TMOD2: variants seen among roughly 807,000 people sequenced by gnomAD.
The protein encoded by TMOD2 is tropomodulin-2.
In TMOD2, 22 loss-of-function variants were observed where a neutral mutation model predicts 39.9. That is an observed-to-expected ratio of 0.55 (90% CI 0.39 to 0.79). TMOD2 has a LOEUF of 0.79. TMOD2 is among the 30% of genes least tolerant of loss of function. TMOD2 has a pLI of 0.00. For missense variants in TMOD2, 386 were observed against 413.3 expected (o/e 0.93, Z 0.57); for synonymous variants, 123 against 146.1 (o/e 0.84, Z 1.14).
chr15:51,808,651 T>C lies in TMOD2; in HGVS notation c.*197T>C. 1 of 408,188 alleles carries C rather than the reference T, an allele frequency of 2.4e-6. No individual in the cohort carries two copies. Among genetic ancestry groups the C allele is most frequent in the Non-Finnish European group, 4.3e-6 (1 of 230,110 alleles). 25.3% of individuals were successfully genotyped at this position (408,188 alleles called of 1,614,324 possible). A position where few individuals can be genotyped will look rare whatever the true frequency, so the allele number is the denominator to read the frequency against. Reference sequence around the variant, plus strand: ...TAATATATGCAATTGTTTTATTTGCTCATGGGCACTTCTGGCAACTTGACA... The same window carrying C: ...TAATATATGCAATTGTTTTATTTGCCCATGGGCACTTCTGGCAACTTGACA... On this transcript the variant is annotated 3_prime_UTR_variant, in exon 10 of 10. Transcript: ENST00000249700.
intron 8 of TMOD2, among the ~76,000 whole-genome samples, chr15:51,801,275 A>ACACACACACACACACACG (rs1313039133): frequency 7.1e-6 from 1 of 140,840 alleles, no homozygotes; most frequent in African/African-American, 2.7e-5. Flanking sequence ...ACACACACAC[A>ACACACACACACACACACG]CACACACACC....
intron 1 of TMOD2, among the ~76,000 whole-genome samples, chr15:51,753,223 G>A (rs1359814130): frequency 6.6e-6 from 1 of 152,158 alleles, no homozygotes; most frequent in Admixed American, 6.5e-5. Context: ...CTTACCAACT[G>A]GTCCAAAACC....
chr15:51,768,147 C>T (rs970043847), intron 2 of TMOD2, 115 bp from the exon 3 acceptor site: 6 of 1,223,046 alleles, frequency 4.9e-6, no homozygotes, highest in Non-Finnish European at 5.8e-6. Flanking sequence ...CACGCACATT[C>T]TGCGTAGGTA....
At chr15:51,796,314 C>G (rs558226739) in intron 7 of TMOD2, among the ~76,000 whole-genome samples, 1 of 152,280 alleles carries the variant, frequency 6.6e-6, no homozygotes, top group South Asian at 2.1e-4. Context: ...TTTTCTCTTA[C>G]TGCTAGAGCA....
intron 1 of TMOD2, among the ~76,000 whole-genome samples, chr15:51,761,559 T>C (rs1015734948): frequency 3.0e-5 from 4 of 132,898 alleles, no homozygotes; most frequent in Admixed American, 1.6e-4. Context: ...AGACCTCATC[T>C]CTGCAAAAAA....
chr15:51,793,963 A>C (rs1212546898), intron 7 of TMOD2, among the ~76,000 whole-genome samples: 1 of 152,250 alleles, frequency 6.6e-6, no homozygotes, highest in Non-Finnish European at 1.5e-5. Flanking sequence ...ACTTTAATTT[A>C]CATGGTATGC....
At position 51,809,423 on chromosome 15, in the gene TMOD2, A is replaced by G. The variant is rs2056141763; in HGVS notation, c.*969A>G. 6.5e-6 allele frequency: 1 copy of G among 152,716 alleles called. No homozygotes were observed. The highest frequency in any genetic ancestry group is 2.4e-5 in the African/African-American group (1 of 41,594). The allele number at this position is 152,716 out of a possible 1,614,324, so 9.5% of individuals were successfully genotyped here. A position where few individuals can be genotyped will look rare whatever the true frequency, so the allele number is the denominator to read the frequency against. The stretch of plus-strand genomic sequence containing the variant: ...GGATTAAATATAAACATTCAGGTTA[A>G]TTATCTAGATTTTTGTCCACAGTAT... On this transcript the variant is annotated 3_prime_UTR_variant, in exon 10 of 10. Transcript: ENST00000249700.
At chr15:51,799,951 A>C (rs2056077292) in intron 8 of TMOD2, among the ~76,000 whole-genome samples, 1 of 152,216 alleles carries the variant, frequency 6.6e-6, no homozygotes, top group Non-Finnish European at 1.5e-5. Context: ...ATAATATCAC[A>C]CACTCTGTCC....
intron 9 of TMOD2, among the ~76,000 whole-genome samples, 164 bp downstream of exon 9, chr15:51,806,685 T>C (rs1302260814): frequency 6.6e-6 from 1 of 152,266 alleles, no homozygotes; most frequent in East Asian, 1.9e-4. Flanking sequence ...GGAGTCTTTG[T>C]GGTCCTCGCA....
intron 8 of TMOD2, among the ~76,000 whole-genome samples, chr15:51,804,580 G>GTT: frequency 7.3e-6 from 1 of 136,568 alleles, no homozygotes; most frequent in South Asian, 2.3e-4. Context: ...GTTTTGTTTT[G>GTT]TTTTTTTTTT....
In TMOD2 at chr15:51,782,883, T is replaced by C. The variant is rs1034744062; in HGVS notation, c.732+55T>C. On this transcript the variant is annotated intron_variant, in intron 7 of 9. Coordinates refer to ENST00000249700, the MANE Select transcript of TMOD2 (RefSeq NM_014548.4). ...AAGTTATTTAATTCACTGGAAACTC[T>C]ATTTACTTTGTTTCATTAGCTAACA... 7 of 1,520,654 alleles carry C rather than the reference T, an allele frequency of 4.6e-6. No homozygotes were observed. In the African/African-American group the frequency reaches 9.6e-5, roughly 21 times the overall value. 94.2% of individuals were successfully genotyped at this position (1,520,654 alleles called of 1,614,324 possible).
At chr15:51,772,116 G>A (rs1181084762) in intron 3 of TMOD2, among the ~76,000 whole-genome samples, 1 of 152,212 alleles carries the variant, frequency 6.6e-6, no homozygotes, top group Non-Finnish European at 1.5e-5. Context: ...TCTCATGCAG[G>A]AGGGTTATTG....
chr15:51,801,237 T>TCTCACACACACA (rs1491214017), intron 8 of TMOD2, among the ~76,000 whole-genome samples: 260 of 102,132 alleles, frequency 2.5e-3, no homozygotes, highest in Middle Eastern at 5.7e-3. Context: ...TCTCTCTCTC[T>TCTCACACACACA]CACACACACA....
rs1321107714 is a variant in TMOD2, at chr15:51,816,164, G to A, written c.*7710G>A. On this transcript the variant is annotated 3_prime_UTR_variant, in exon 10 of 10. Transcript: ENST00000249700. ...CCCTGGATAATTATTCAGGACCCCA[G>A]TTGGCCCAAATAGGTGCAATTTTTA... 2 of 152,222 alleles carry A rather than the reference G, an allele frequency of 1.3e-5. No homozygotes were observed. The highest frequency in any genetic ancestry group is 2.9e-5 in the Non-Finnish European group (2 of 68,032). 9.4% of individuals were successfully genotyped at this position (152,222 alleles called of 1,614,324 possible).
rs534828012 is a variant in TMOD2, at chr15:51,778,370, C to A, written c.493+1352C>A. ...GGGAGGGGGGAGGGATAGCATTAGG[C>A]GATATACCTAATGCTAAATGACGAG... On this transcript the variant is annotated intron_variant, in intron 5 of 9. Coordinates refer to ENST00000249700, the MANE Select transcript of TMOD2 (RefSeq NM_014548.4). Among the ~76,000 whole-genome samples the A allele has an allele frequency of 2.0e-5, 3 of 146,848 alleles. No homozygotes were observed. In the South Asian group the frequency reaches 6.6e-4, roughly 32 times the overall value.
intron 7 of TMOD2, among the ~76,000 whole-genome samples, chr15:51,795,565 GC>G (rs2056043057): frequency 9.2e-6 from 1 of 108,838 alleles, no homozygotes; most frequent in Admixed American, 8.9e-5. Flanking sequence ...CTTCTCTTCT[GC>G]TTGCTTGCTT....
intron 1 of TMOD2, among the ~76,000 whole-genome samples, chr15:51,761,869 C>T (rs1319939132): frequency 4.7e-5 from 7 of 149,840 alleles, no homozygotes; most frequent in African/African-American, 9.8e-5. Flanking sequence ...AATTTTTGGC[C>T]GGGCACGGTG....
intron 7 of TMOD2, among the ~76,000 whole-genome samples, chr15:51,785,702 G>C (rs569131104): frequency 1.3e-5 from 2 of 152,172 alleles, no homozygotes; most frequent in Admixed American, 1.3e-4. Flanking sequence ...AAGAGAAGTT[G>C]GTTAAGAGGT....
intron 1 of TMOD2, chr15:51,756,266 A>G (rs1436061560): frequency 2.6e-5 from 4 of 152,336 alleles, no homozygotes; most frequent in South Asian, 2.1e-4. Context: ...ACACCTGGCA[A>G]TGCTGACCCG....
Sources: allele counts gnomAD v4.1 joint callset (sites outside exome capture counted in the v4.1 genomes callset), GRCh38; gene constraint gnomAD v4.1.1; transcripts MANE v1.5; gene names NCBI Gene and HGNC (gene_info 2026-07-23, HGNC 2026-07-21).